Variants in MED19 observed in about 807,000 individuals in gnomAD.
MED19 encodes the protein mediator of RNA polymerase II transcription subunit 19.
MED19 carries 4 observed loss-of-function variants against 19.9 expected under a neutral mutation model. That is an observed-to-expected ratio of 0.20 (90% CI 0.10 to 0.46). The LOEUF (loss-of-function observed/expected upper bound fraction) is 0.46, where lower values mean the gene tolerates loss of function less well. Among genes scored for constraint, MED19 ranks in the 20% least tolerant of loss-of-function variants. The probability of loss-of-function intolerance (pLI) is 0.99; values close to 1 mark genes in which losing one functional copy is unlikely to be tolerated. For synonymous variants in MED19, 139 were observed against 119.6 expected, an observed-to-expected ratio of 1.16 and a Z score of -1.06; for missense variants, 303 against 318.7, an observed-to-expected ratio of 0.95 and a Z score of 0.38.
chr11:57,709,564 A>G (rs938743254), intron 1 of MED19, among the ~76,000 whole-genome samples: 1 of 152,072 alleles, frequency 6.6e-6, no homozygotes, highest in African/African-American at 2.4e-5. Context: ...TATACAATAT[A>G]TATTTTTAAT....
chr11:57,705,371 G>T, intron 1 of MED19, 142 bp from the exon 2 acceptor site: 1 of 1,005,508 alleles, frequency 9.9e-7, no homozygotes, highest in Non-Finnish European at 1.4e-6. Flanking sequence ...AACAGAGCAG[G>T]CCGGATGCAG....
chr11:57,704,270 C>T, intron 4 of MED19, 32 bp downstream of exon 4: 3 of 1,530,968 alleles, frequency 2.0e-6, no homozygotes, highest in Non-Finnish European at 2.6e-6. Context: ...TGGGGAAACT[C>T]ACTGGGTTGT....
intron 1 of MED19, among the ~76,000 whole-genome samples, chr11:57,708,312 T>C (rs1281664419): frequency 6.6e-6 from 1 of 152,186 alleles, no homozygotes; most frequent in Non-Finnish European, 1.5e-5. Context: ...TTCCTTTGAC[T>C]GGCACTCAAG....
At chr11:57,704,038 T>C (rs1221107429) in exon 5 of MED19, 1 of 1,536,134 alleles carries the variant, frequency 6.5e-7, no homozygotes. Flanking sequence ...AGTGGTCCTA[T>C]TAGCGTAGGC....
rs1565203097 is a variant in MED19 at position 57,704,293 on chromosome 11, CT to C, written c.666+8del. 6.5e-7 allele frequency: 1 copy of C among 1,534,080 alleles called. No homozygotes were observed. ...CTCACTGGGTTGTGGCAATAGGCCT[CT>C]ACTCTACCTTCTTTTTCTTCTTCTC... On this transcript the variant is annotated splice_region_variant and intron_variant, in intron 4 of 4. Transcript: ENST00000431606.
In MED19 at chr11:57,705,249, AAT is replaced by A; in HGVS notation, c.218-22_218-21del. On this transcript the variant is annotated intron_variant, in intron 1 of 4. Coordinates refer to ENST00000431606, the Ensembl canonical transcript of MED19. Reference sequence around the variant, plus strand: ...TGCTACCTAGACAACGCAGAATAAAAATAAAAAAGATCAGTCTTCAAAGTAGA... The same window carrying A: ...TGCTACCTAGACAACGCAGAATAAAAAAAAAAGATCAGTCTTCAAAGTAGA... 1 of 1,609,396 alleles carries A rather than the reference AAT, an allele frequency of 6.2e-7. No individual in the cohort carries two copies. The highest frequency in any genetic ancestry group is 1.1e-5 in the South Asian group (1 of 90,862).
chr11:57,706,051 T>C (rs540814220), intron 1 of MED19, among the ~76,000 whole-genome samples: 124 of 151,936 alleles, frequency 8.2e-4, no homozygotes, highest in Middle Eastern at 3.4e-3. Flanking sequence ...AGAAAAGAAC[T>C]GGGAGATTTT....
exon 1 of MED19, chr11:57,711,996 A>G: frequency 6.6e-7 from 1 of 1,510,082 alleles, no homozygotes; most frequent in South Asian, 1.2e-5. Flanking sequence ...AAAGGGCCAC[A>G]GCCAGCTCCT....
At chr11:57,710,483 G>A (rs1426887176) in intron 1 of MED19, among the ~76,000 whole-genome samples, 4 of 152,062 alleles carry the variant, frequency 2.6e-5, no homozygotes, top group Admixed American at 2.6e-4. Flanking sequence ...CTTTCCTTTT[G>A]TTCACTTCAC....
intron 1 of MED19, among the ~76,000 whole-genome samples, chr11:57,706,549 T>C (rs1946509709): frequency 6.6e-6 from 1 of 152,014 alleles, no homozygotes; most frequent in African/African-American, 2.4e-5. Flanking sequence ...GGCGGGCAGC[T>C]CATTTGAGGT....
At chr11:57,707,846 A>AT (rs962185446) in intron 1 of MED19, among the ~76,000 whole-genome samples, 1 of 151,988 alleles carries the variant, frequency 6.6e-6, no homozygotes, top group African/African-American at 2.4e-5. Flanking sequence ...ATATTTATTT[A>AT]TTTTTTGAGA....
chr11:57,703,740 T>A, exon 5 of MED19: 7 of 306,670 alleles, frequency 2.3e-5, no homozygotes, highest in East Asian at 1.1e-4. Flanking sequence ...TTTTTTTTTT[T>A]AAAGAAAACA....
At chr11:57,712,161 G>A (rs764496516) in exon 1 of MED19, 133 of 1,529,600 alleles carry the variant, frequency 8.7e-5, no homozygotes, top group Non-Finnish European at 1.1e-4. Flanking sequence ...GCCCCAAACA[G>A]TGCCGTGAAA....
exon 5 of MED19, chr11:57,703,898 A>C: frequency 7.4e-7 from 1 of 1,343,368 alleles, no homozygotes; most frequent in African/African-American, 1.5e-5. Flanking sequence ...ACTTAGTCTC[A>C]ACTGAGCCCA....
intron 1 of MED19, among the ~76,000 whole-genome samples, chr11:57,711,710 T>G (rs1354107828): frequency 6.6e-6 from 1 of 152,156 alleles, no homozygotes; most frequent in African/African-American, 2.4e-5. Context: ...CTGGACATGG[T>G]GCAAAAGACA....
chr11:57,706,490 G>A (rs1409617521), intron 1 of MED19, among the ~76,000 whole-genome samples: 2 of 152,140 alleles, frequency 1.3e-5, no homozygotes, highest in Admixed American at 1.3e-4. Context: ...TCAACTAATG[G>A]CCAGGCGCGG....
intron 1 of MED19, among the ~76,000 whole-genome samples, chr11:57,709,422 C>G (rs992361175): frequency 2.6e-5 from 4 of 151,838 alleles, no homozygotes; most frequent in Non-Finnish European, 5.9e-5. Flanking sequence ...CCAAACATGT[C>G]CAAAATAACT....
intron 1 of MED19, among the ~76,000 whole-genome samples, chr11:57,710,132 C>T (rs1006829855): frequency 2.7e-4 from 41 of 152,152 alleles, no homozygotes; most frequent in African/African-American, 9.2e-4. Context: ...GAGGCCAAGG[C>T]GGGAGGACTG....
rs181520174 is a variant in MED19 at position 57,710,371 on chromosome 11, A to G, written c.217+1592T>C. Among the ~76,000 whole-genome samples, 6 of 152,278 alleles carry G rather than the reference A, an allele frequency of 3.9e-5. No homozygotes were observed. The South Asian group carries it at 1.0e-3, about 26-fold the overall frequency. On this transcript the variant is annotated intron_variant, in intron 1 of 4. Coordinates refer to ENST00000431606, the Ensembl canonical transcript of MED19. ...AGTGAGACCTTGTGTCTATAAAAAA[A>G]TTTTTTAAATGGCTTCCTTTTGTAT...
Sources: allele counts gnomAD v4.1 joint callset (sites outside exome capture counted in the v4.1 genomes callset), GRCh38; gene constraint gnomAD v4.1.1; transcripts MANE v1.5; gene names NCBI Gene and HGNC (gene_info 2026-07-23, HGNC 2026-07-21).